TMTC2: variants seen among roughly 807,000 people sequenced by gnomAD.
TMTC2 encodes protein O-mannosyl-transferase TMTC2.
TMTC2 carries 43 observed loss-of-function variants against 82.4 expected under a neutral mutation model. The ratio of observed to expected loss-of-function variants is 0.52; its 90% CI spans 0.41 to 0.67. TMTC2 has a LOEUF of 0.67. TMTC2 is among the 30% of genes least tolerant of loss of function. The pLI is 0.00. For missense variants in TMTC2, 919 were observed against 1,012.4 expected (o/e 0.91, Z 1.25); for synonymous variants, 408 against 381.9 (o/e 1.07, Z -0.80).
At chr12:82,703,271 G>GTAGT (rs1406715926) in intron 1 of TMTC2, among the ~76,000 whole-genome samples, 2 of 152,072 alleles carry the variant, frequency 1.3e-5, no homozygotes, top group Non-Finnish European at 2.9e-5. Flanking sequence ...ATGGGAAGGT[G>GTAGT]TAGTTATCTA....
intron 8 of TMTC2, among the ~76,000 whole-genome samples, chr12:83,017,990 G>A (rs1275916981): frequency 6.8e-6 from 1 of 147,744 alleles, no homozygotes; most frequent in Non-Finnish European, 1.5e-5. Flanking sequence ...GTTCTTAATA[G>A]CTGAAGCTTC....
intron 1 of TMTC2, among the ~76,000 whole-genome samples, chr12:82,845,317 C>T (rs2137097054): frequency 7.2e-6 from 1 of 138,896 alleles, no homozygotes; most frequent in South Asian, 2.3e-4. Context: ...TACCACAAAT[C>T]CTCAAGACCT....
At chr12:83,058,548 A>G (rs1445222327) in intron 10 of TMTC2, among the ~76,000 whole-genome samples, 2 of 151,802 alleles carry the variant, frequency 1.3e-5, no homozygotes, top group Non-Finnish European at 2.9e-5. Context: ...CTGAGTCTCC[A>G]GTTGTTGTCT....
chr12:83,067,145 G>A (rs1338321215), intron 11 of TMTC2, among the ~76,000 whole-genome samples: 2 of 151,822 alleles, frequency 1.3e-5, no homozygotes, highest in South Asian at 2.1e-4. Flanking sequence ...TTAATGAGCA[G>A]GGAACCCTGC....
At chr12:83,041,894 T>C (rs1881909319) in intron 9 of TMTC2, among the ~76,000 whole-genome samples, 1 of 152,218 alleles carries the variant, frequency 6.6e-6, no homozygotes, top group Non-Finnish European at 1.5e-5. Flanking sequence ...GTAGTGTCTA[T>C]GAAGTTTGTG....
chr12:82,948,701 A>G (rs1481529452), intron 4 of TMTC2, among the ~76,000 whole-genome samples: 1 of 152,222 alleles, frequency 6.6e-6, no homozygotes. Flanking sequence ...TTTATGTTTA[A>G]AGTGAGTGCA....
intron 2 of TMTC2, among the ~76,000 whole-genome samples, chr12:82,891,317 A>AT (rs1269373667): frequency 6.6e-6 from 1 of 151,760 alleles, no homozygotes; most frequent in Non-Finnish European, 1.5e-5. Context: ...TATATAGTTG[A>AT]TTTTTTTTGA....
intron 1 of TMTC2, among the ~76,000 whole-genome samples, chr12:82,705,077 G>GT (rs990870812): frequency 2.6e-5 from 4 of 152,218 alleles, no homozygotes; most frequent in African/African-American, 9.6e-5. Context: ...TCTAAGTGAA[G>GT]TAACTCGGGA....
At chr12:83,004,447 G>A (rs925103403) in intron 8 of TMTC2, among the ~76,000 whole-genome samples, 4 of 152,180 alleles carry the variant, frequency 2.6e-5, no homozygotes, top group Non-Finnish European at 5.9e-5. Context: ...GAGGTAAGGA[G>A]ACACTTAGAC....
intron 8 of TMTC2, among the ~76,000 whole-genome samples, chr12:82,990,293 A>T (rs1161651464): frequency 6.6e-6 from 1 of 152,162 alleles, no homozygotes; most frequent in Non-Finnish European, 1.5e-5. Flanking sequence ...GATATATTAG[A>T]AAAATATTGA....
At chr12:82,792,696 G>A (rs7958638) in intron 1 of TMTC2, among the ~76,000 whole-genome samples, 2,953 of 151,930 alleles carry the variant, frequency 0.019, 106 homozygotes, top group African/African-American at 0.068. Flanking sequence ...TGCTCGTCTT[G>A]AATGCCTCAA....
At chr12:82,987,437 A>G (rs1025421276) in intron 8 of TMTC2, among the ~76,000 whole-genome samples, 4 of 146,474 alleles carry the variant, frequency 2.7e-5, no homozygotes, top group African/African-American at 1.0e-4. Flanking sequence ...AAAAAAAAAG[A>G]GAAAAAAAAA....
At chr12:82,749,208 T>C (rs1343912965) in intron 1 of TMTC2, among the ~76,000 whole-genome samples, 1 of 152,184 alleles carries the variant, frequency 6.6e-6, no homozygotes. Flanking sequence ...AGTGGGTGGT[T>C]CTCTGTTTTT....
intron 1 of TMTC2, among the ~76,000 whole-genome samples, chr12:82,854,541 A>C (rs1420891683): frequency 6.6e-6 from 1 of 152,330 alleles, no homozygotes; most frequent in East Asian, 1.9e-4. Flanking sequence ...GAAGTAGTAG[A>C]CAAAAATTCA....
At chr12:82,854,017 T>A (rs1349996925) in intron 1 of TMTC2, among the ~76,000 whole-genome samples, 1 of 152,136 alleles carries the variant, frequency 6.6e-6, no homozygotes, top group African/African-American at 2.4e-5. Flanking sequence ...AGACTCTTGA[T>A]GAATGTCATA....
At chr12:82,790,839 A>AAC (rs1592524525) in intron 1 of TMTC2, among the ~76,000 whole-genome samples, 2 of 151,726 alleles carry the variant, frequency 1.3e-5, no homozygotes, top group Non-Finnish European at 1.5e-5. Context: ...AAAAAAAAAA[A>AAC]AAAGAAAGAA....
chr12:83,063,952 G>A (rs1338849519), intron 11 of TMTC2, among the ~76,000 whole-genome samples: 2 of 151,720 alleles, frequency 1.3e-5, no homozygotes, highest in Non-Finnish European at 2.9e-5. Context: ...GCAGCTTTGT[G>A]TAGTATTTCT....
intron 1 of TMTC2, among the ~76,000 whole-genome samples, chr12:82,834,449 T>TA (rs1250551728): frequency 6.6e-6 from 1 of 152,260 alleles, no homozygotes; most frequent in African/African-American, 2.4e-5. Flanking sequence ...CATCATCAGA[T>TA]ATATCTCACA....
chr12:82,719,548 TATC>T (rs754042004), intron 1 of TMTC2, among the ~76,000 whole-genome samples: 4 of 152,150 alleles, frequency 2.6e-5, no homozygotes, highest in Non-Finnish European at 5.9e-5. Flanking sequence ...TAAGTGAAAA[TATC>T]ATGCAACACA....
Sources: allele counts gnomAD v4.1 joint callset (sites outside exome capture counted in the v4.1 genomes callset), GRCh38; gene constraint gnomAD v4.1.1; transcripts MANE v1.5; gene names NCBI Gene and HGNC (gene_info 2026-07-23, HGNC 2026-07-21).